NEB: variants seen among roughly 807,000 people sequenced by gnomAD.
The protein encoded by NEB is nebulin, also known as nemaline myopathy type 2.
NEB carries 512 observed loss-of-function variants against 952.2 expected under a neutral mutation model. The observed-to-expected ratio is 0.54, with a 90% CI of 0.50 to 0.58. NEB has a LOEUF of 0.58. Ranked by LOEUF, NEB falls within the 20% of genes least tolerant of loss-of-function variation. NEB has a pLI of 0.00. For synonymous variants in NEB, 2,900 were observed against 3,149.8 expected (o/e 0.92, Z 2.66); for missense variants, 8,428 against 9,231.1 (o/e 0.91, Z 3.56).
At chr2:151,529,429 G>T in intron 145 of NEB, 115 bp from the exon 146 acceptor site, 1 of 712,392 alleles carries the variant, frequency 1.4e-6, no homozygotes, top group Non-Finnish European at 2.4e-6. Flanking sequence ...TCCTTAAGAC[G>T]GAATTTTAAA....
intron 128 of NEB, among the ~76,000 whole-genome samples, chr2:151,552,126 A>G (rs1476966781): frequency 6.6e-6 from 1 of 152,182 alleles, no homozygotes; most frequent in Non-Finnish European, 1.5e-5. Context: ...ATATTGACTT[A>G]CCAACCTGTG....
At chr2:151,610,366 T>G in intron 80 of NEB, 150 bp downstream of exon 80, 2 of 708,128 alleles carry the variant, frequency 2.8e-6, no homozygotes, top group Non-Finnish European at 4.8e-6. Context: ...ATTTTTATTC[T>G]CTGTAACAAC....
chr2:151,490,027 CTGA>C lies in NEB; in HGVS notation c.25345_25347del (p.Ser8449del), dbSNP rs1553519071. 6.2e-7 allele frequency: 1 copy of C among 1,613,562 alleles called. No homozygotes were observed. Among genetic ancestry groups the C allele is most frequent in the Non-Finnish European group, 8.5e-7 (1 of 1,179,684 alleles). On this transcript the variant is annotated inframe_deletion, in exon 181 of 182. Coordinates refer to ENST00000397345, the MANE Select transcript of NEB (RefSeq NM_001164508.2). Reference sequence around the variant, plus strand: ...GATACCGTTGTCTGTTGGGTAGCAACTGAAGATGATCGTTGTTGTGGGAGCTCT... The same window carrying C: ...GATACCGTTGTCTGTTGGGTAGCAACAGATGATCGTTGTTGTGGGAGCTCT...
chr2:151,723,432 C>T lies in NEB; in HGVS notation c.667G>A (p.Asp223Asn). 6.2e-7 allele frequency: 1 copy of T among 1,610,434 alleles called. No homozygotes were observed. The highest frequency in any genetic ancestry group is 1.1e-5 in the South Asian group (1 of 89,930). The change falls in exon 9 of 182, where the codon GAT (aspartate) becomes AAT (asparagine). Residue 223 changes from aspartate (D) to asparagine (N), a missense_variant. Coordinates refer to ENST00000397345, the MANE Select transcript of NEB (RefSeq NM_001164508.2). ...GCAACTCTCCTCAGTTCCGGGCTATCATTATAGGGGTAAAACAAACTTTTG... is the reference window on the plus strand; with the variant it reads ...GCAACTCTCCTCAGTTCCGGGCTATTATTATAGGGGTAAAACAAACTTTTG... ...ADKSLFYPYN[D>N]SPELRRVAQA...
intron 5 of NEB, among the ~76,000 whole-genome samples, chr2:151,725,804 C>A (rs1214411605): frequency 1.3e-5 from 2 of 152,018 alleles, no homozygotes; most frequent in African/African-American, 4.8e-5. Flanking sequence ...TTGGAAATAC[C>A]CTAAAATGAT....
chr2:151,630,741 T>C lies in NEB; in HGVS notation c.9697A>G (p.Arg3233Gly). 1 of 1,610,246 alleles carries C rather than the reference T, an allele frequency of 6.2e-7. No individual in the cohort carries two copies. The highest frequency in any genetic ancestry group is 8.5e-7 in the Non-Finnish European group (1 of 1,177,998). ...TCACTGTAGTTGATTTTGTTCTGCC[T>C]TGCCAACATAATCTCTGGTGTATCA... Reference protein sequence around the residue: ...MPDTPEIMLARQNKINYSETL... With the variant: ...MPDTPEIMLAGQNKINYSETL... Residue 3233 changes from arginine (R) to glycine (G), a missense_variant, in exon 67 of 182, where the codon AGG (arginine) becomes GGG (glycine). Around this residue, in one of 11 missense-constraint regions of NEB, gnomAD observed 1,772 missense variants for 1,960.3 expected, o/e 0.90. Coordinates refer to ENST00000397345, the MANE Select transcript of NEB (RefSeq NM_001164508.2).
chr2:151,546,303 C>G (rs2094676201), intron 134 of NEB, 42 bp downstream of exon 134: 1 of 1,489,576 alleles, frequency 6.7e-7, no homozygotes, highest in East Asian at 2.3e-5. Context: ...GGGCATCCAG[C>G]TGTGCGGGGG....
At chr2:151,616,236 T>C in intron 75 of NEB, 127 bp from the exon 76 acceptor site, 1 of 657,312 alleles carries the variant, frequency 1.5e-6, no homozygotes, top group Non-Finnish European at 2.6e-6. Flanking sequence ...AGGGTGGGTT[T>C]ATAGATAGCT....
At chr2:151,496,620 T>TTTTTC (rs1375487117) in intron 172 of NEB, among the ~76,000 whole-genome samples, 2 of 152,140 alleles carry the variant, frequency 1.3e-5, no homozygotes, top group East Asian at 3.9e-4. Flanking sequence ...TTATTTTTTT[T>TTTTTC]CATTTTTGTG....
chr2:151,529,257 C>T lies in NEB; in HGVS notation c.21688G>A (p.Ala7230Thr), dbSNP rs746969189. ...NKSNCTIEPD[A>T]VHIKAAKDAY... ...TCCTTGGCTGCTTTGATATGAACAG[C>T]ATCTGGCTCAATGGTGCAGTTGGAT... The change falls in exon 146 of 182, where the codon GCT becomes ACT. Residue 7230 changes from alanine to threonine, a missense_variant. Ala to Thr is a moderately conservative substitution (Grantham distance 58). Coordinates refer to ENST00000397345, the MANE Select transcript of NEB (RefSeq NM_001164508.2). 1.2e-6 allele frequency: 2 copies of T among 1,613,658 alleles called. No individual in the cohort carries two copies. The highest frequency in any genetic ancestry group is 1.7e-6 in the Non-Finnish European group (2 of 1,179,706).
chr2:151,725,344 C>T, intron 6 of NEB, 109 bp downstream of exon 6: 1 of 829,158 alleles, frequency 1.2e-6, no homozygotes, highest in Non-Finnish European at 1.9e-6. Context: ...TGAACTAGCT[C>T]ATAGTAATTC....
At chr2:151,490,965 A>G (rs1457958314) in intron 179 of NEB, among the ~76,000 whole-genome samples, 1 of 152,154 alleles carries the variant, frequency 6.6e-6, no homozygotes, top group Non-Finnish European at 1.5e-5. Context: ...GAATGCAACC[A>G]TGGATTTACT....
chr2:151,678,156 T>C lies in NEB; in HGVS notation c.3287A>G (p.Lys1096Arg). The C allele has an allele frequency of 1.2e-6, 2 of 1,611,174 alleles. No individual in the cohort carries two copies. Among genetic ancestry groups the C allele is most frequent in the South Asian group, 2.2e-5 (2 of 90,544 alleles). Residue 1096 changes from lysine (K) to arginine (R), a missense_variant, in exon 33 of 182, where the codon AAA (lysine) becomes AGA (arginine). Physicochemically the swap from Lys to Arg is conservative, Grantham distance 26. Coordinates refer to ENST00000397345, the MANE Select transcript of NEB (RefSeq NM_001164508.2). The part of the protein sequence containing the change: ...VQYKKDYEKA[K>R]GKMVGFQSLQ... The stretch of plus-strand genomic sequence containing the variant: ...ACTTTGGAAGCCAACCATTTTCCCT[T>C]TAGCCTTTTCATAGTCTTTTTTGTA...
chr2:151,540,918 GA>G, intron 136 of NEB, 117 bp from the exon 137 acceptor site: 1 of 829,628 alleles, frequency 1.2e-6, no homozygotes, highest in Non-Finnish European at 2.0e-6. Flanking sequence ...TTACTGTCCT[GA>G]TGTTTGTTTG....
chr2:151,520,881 A>T, intron 153 of NEB, among the ~76,000 whole-genome samples: 1 of 152,114 alleles, frequency 6.6e-6, no homozygotes, highest in African/African-American at 2.4e-5. Flanking sequence ...AAATAAGAGG[A>T]TTTATTTATA....
At chr2:151,507,943 G>A in intron 162 of NEB, 62 bp downstream of exon 162, 1 of 1,175,306 alleles carries the variant, frequency 8.5e-7, no homozygotes, top group Non-Finnish European at 1.2e-6. Flanking sequence ...GATATCCAGA[G>A]GCATCTTCCT....
At chr2:151,492,051 C>T (rs776252260) in intron 178 of NEB, 47 bp downstream of exon 178, 2 of 1,570,912 alleles carry the variant, frequency 1.3e-6, no homozygotes, top group Non-Finnish European at 1.7e-6. Flanking sequence ...TGTTCTTCTA[C>T]CCCCTCACTT....
Position 151,492,127 on chromosome 2 carries a change from C to A in NEB, c.25028G>T (p.Arg8343Leu), listed in dbSNP as rs886054926. ...QRKVVEMEQK[R>L]NDQDQETITG... is the part of the protein sequence containing the mutation. ...AATAGTCTCCTGATCTTGGTCATTC[C>A]GTTTTTGTTCCATTTCTACCACTTT... The change falls in exon 178 of 182, where the codon CGG becomes CTG. Residue 8343 changes from arginine to leucine, a missense_variant. By Grantham distance (102) the Arg-to-Leu change is moderately radical. This residue lies in a region of NEB where 3,374 missense variants were observed against 3,651.5 expected (regional missense o/e 0.92). Coordinates refer to ENST00000397345, the MANE Select transcript of NEB (RefSeq NM_001164508.2). The A allele has an allele frequency of 6.2e-7, 1 of 1,613,928 alleles. No individual in the cohort carries two copies. Among genetic ancestry groups the A allele is most frequent in the Non-Finnish European group, 8.5e-7 (1 of 1,179,848 alleles).
chr2:151,581,656 T>C lies in NEB; in HGVS notation c.16180-69A>G. The C allele has an allele frequency of 2.0e-6, 3 of 1,492,346 alleles. No individual in the cohort carries two copies. The South Asian group carries it at 3.7e-5, about 18-fold the overall frequency. The allele number at this position is 1,492,346 out of a possible 1,614,324, so 92.4% of individuals were successfully genotyped here. The stretch of plus-strand genomic sequence containing the variant: ...GTCAATTACCACATAAATAAAATTA[T>C]AAAGTCATAAAACATACTTGAATAA... On this transcript the variant is annotated intron_variant, in intron 102 of 181. Coordinates refer to ENST00000397345, the MANE Select transcript of NEB (RefSeq NM_001164508.2).
Sources: gnomAD v4.1 joint callset for allele counts (sites outside exome capture counted in the v4.1 genomes callset) on GRCh38, gnomAD v4.1.1 for gene constraint, gnomAD v4.1.1 regional missense constraint, MANE v1.5 for transcripts, NCBI Gene and HGNC (gene_info 2026-07-23, HGNC 2026-07-21) for gene names.